The following BTD variants were observed in gnomAD, a reference collection of about 807,000 sequenced individuals.
BTD encodes biocytinase.
BTD carries 13 observed loss-of-function variants against 17.7 expected under a neutral mutation model. The observed-to-expected ratio is 0.74, with a 90% CI of 0.48 to 1.17. The LOEUF (loss-of-function observed/expected upper bound fraction) is 1.17, where lower values mean the gene tolerates loss of function less well. BTD is among the 50% of genes most tolerant of loss of function. The pLI, the probability that BTD is intolerant of heterozygous loss-of-function variation, is 0.00. For synonymous variants in BTD, 240 were observed against 245.2 expected (o/e 0.98, Z 0.20); for missense variants, 674 against 650.4 (o/e 1.04, Z -0.39).
At chr3:15,602,217 T>G (rs1027909274) in intron 1 of BTD, 8 of 1,360,426 alleles carry the variant, frequency 5.9e-6, no homozygotes, top group African/African-American at 1.5e-5. Context: ...ACGCTCAGAG[T>G]CAGTAGATCC....
At chr3:15,671,607 C>G (rs1232488507) in intron 3 of BTD, among the ~76,000 whole-genome samples, 1 of 137,142 alleles carries the variant, frequency 7.3e-6, no homozygotes, top group Non-Finnish European at 1.5e-5. Flanking sequence ...TTTTTTGAGA[C>G]AGAGTCTGCT....
intron 4 of BTD, chr3:15,720,962 A>G (rs1468784094): frequency 6.2e-7 from 1 of 1,613,868 alleles, no homozygotes; most frequent in East Asian, 2.2e-5. Context: ...TCTAAACACA[A>G]TGCTCCATGT....
In BTD at chr3:15,635,508, C is replaced by T; in HGVS notation, c.69C>T (p.His23=). 6.2e-7 allele frequency: 1 copy of T among 1,614,202 alleles called. No individual in the cohort carries two copies. The highest frequency in any genetic ancestry group is 1.3e-5 in the African/African-American group (1 of 75,058). The change falls in exon 2 of 4, where the codon CAC becomes CAT. Residue 23 remains histidine (H), a synonymous_variant. Coordinates refer to ENST00000643237, the MANE Select transcript of BTD (RefSeq NM_001370658.1). This position sits in a 1 kb window ranked among gnomAD's most constrained non-coding sequence, Gnocchi z 4.1. ...GTTACGTGGTTGCCCTGGGAGCCCACACCGGGGAGGAGAGCGTGGCTGACC... is the reference window on the plus strand; with the variant it reads ...GTTACGTGGTTGCCCTGGGAGCCCATACCGGGGAGGAGAGCGTGGCTGACC... ...CGCYVVALGA[H]TGEESVADHH...
chr3:15,602,047 T>TCTACC lies in BTD; in HGVS notation c.-17+153_-17+154insCTACC. 5 of 1,475,230 alleles carry TCTACC rather than the reference T, an allele frequency of 3.4e-6. No homozygotes were observed. The South Asian group carries it at 6.8e-5, about 20-fold the overall frequency. 91.4% of individuals were successfully genotyped at this position (1,475,230 alleles called of 1,614,324 possible). On this transcript the variant is annotated intron_variant, in intron 1 of 3. Transcript: ENST00000643237. ...GCGCGTCGTTTGCTGGGGCTGTTTG[T>TCTACC]GCGTTGCTGCTGTGCTACCGCGTTG...
At chr3:15,691,613 TA>T (rs1185528793) in intron 3 of BTD, among the ~76,000 whole-genome samples, 1 of 152,212 alleles carries the variant, frequency 6.6e-6, no homozygotes, top group Non-Finnish European at 1.5e-5. Flanking sequence ...CAGCAAGAGA[TA>T]AACTTGCTCT....
chr3:15,697,609 T>C (rs1471810915), intron 3 of BTD, among the ~76,000 whole-genome samples: 3 of 152,134 alleles, frequency 2.0e-5, no homozygotes, highest in South Asian at 2.1e-4. Flanking sequence ...GCCGAGTTGA[T>C]TGTGGTGGGT....
intron 1 of BTD, among the ~76,000 whole-genome samples, chr3:15,624,047 T>C (rs1254623331): frequency 1.3e-5 from 2 of 152,234 alleles, no homozygotes; most frequent in Non-Finnish European, 2.9e-5. Flanking sequence ...CACTGTCTTA[T>C]TGTTTACATG....
chr3:15,604,714 A>G (rs2064390811), intron 1 of BTD, among the ~76,000 whole-genome samples: 2 of 152,162 alleles, frequency 1.3e-5, no homozygotes, highest in African/African-American at 4.8e-5. Context: ...CTTCTGCCAG[A>G]TACCCTAAAT....
intron 3 of BTD, among the ~76,000 whole-genome samples, chr3:15,672,727 AG>A (rs2066502878): frequency 6.6e-6 from 1 of 152,104 alleles, no homozygotes; most frequent in African/African-American, 2.4e-5. Context: ...AGCTTGTTTC[AG>A]GTGTGTTTTC....
At chr3:15,704,476 A>G (rs2071075604) in intron 3 of BTD, among the ~76,000 whole-genome samples, 1 of 152,328 alleles carries the variant, frequency 6.6e-6, no homozygotes, top group South Asian at 2.1e-4. Flanking sequence ...TTAAAGGTAG[A>G]AACTGTGATG....
intron 3 of BTD, among the ~76,000 whole-genome samples, chr3:15,681,046 C>T (rs1233144697): frequency 1.2e-4 from 19 of 152,046 alleles, no homozygotes; most frequent in Admixed American, 1.2e-3. Context: ...GAGAAGTATC[C>T]AGCCTTGGTA....
chr3:15,615,380 G>A (rs1384264511), intron 1 of BTD, among the ~76,000 whole-genome samples: 1 of 152,166 alleles, frequency 6.6e-6, no homozygotes, highest in East Asian at 1.9e-4. Context: ...TTGGCAGGCA[G>A]GCAGATATTT....
intron 3 of BTD, among the ~76,000 whole-genome samples, chr3:15,661,691 T>A (rs2065926903): frequency 2.6e-5 from 4 of 152,266 alleles, no homozygotes; most frequent in Middle Eastern, 3.4e-3. Flanking sequence ...GTGCCTTTGG[T>A]GTTATATCTA....
intron 3 of BTD, among the ~76,000 whole-genome samples, chr3:15,660,801 A>G (rs2065914157): frequency 6.6e-6 from 1 of 152,132 alleles, no homozygotes; most frequent in Admixed American, 6.5e-5. Context: ...TCCCCTGGCA[A>G]CCGCTGATCT....
intron 3 of BTD, among the ~76,000 whole-genome samples, chr3:15,660,168 TAGG>T (rs1325499980): frequency 6.6e-6 from 1 of 152,208 alleles, no homozygotes; most frequent in Non-Finnish European, 1.5e-5. Context: ...GGGGAGAAGT[TAGG>T]AGATTTGCCC....
intron 3 of BTD, among the ~76,000 whole-genome samples, chr3:15,659,853 AG>A (rs1176420217): frequency 6.6e-6 from 1 of 152,206 alleles, no homozygotes; most frequent in Admixed American, 6.5e-5. Context: ...ATCCTATGAT[AG>A]GTCATCCTAC....
chr3:15,603,478 A>G (rs1324748962), intron 1 of BTD, among the ~76,000 whole-genome samples: 1 of 152,112 alleles, frequency 6.6e-6, no homozygotes, highest in East Asian at 1.9e-4. Flanking sequence ...CAACACGGTG[A>G]AACCCTATCT....
intron 3 of BTD, among the ~76,000 whole-genome samples, chr3:15,666,433 T>C (rs151334616): frequency 7.9e-4 from 120 of 152,326 alleles, no homozygotes; most frequent in African/African-American, 2.8e-3. Flanking sequence ...TAAATGGTGC[T>C]ATAAATAGTA....
intron 1 of BTD, among the ~76,000 whole-genome samples, chr3:15,624,260 T>C (rs1048488447): frequency 8.5e-5 from 13 of 152,168 alleles, no homozygotes; most frequent in Non-Finnish European, 1.5e-4. Context: ...CCTGGGTCTG[T>C]GGTTTAGTGT....
Sources: gnomAD v4.1 joint callset for allele counts (sites outside exome capture counted in the v4.1 genomes callset) on GRCh38, gnomAD v4.1.1 for gene constraint, Gnocchi (gnomAD v3.1) non-coding constraint, MANE v1.5 for transcripts, NCBI Gene and HGNC (gene_info 2026-07-23, HGNC 2026-07-21) for gene names.